MYH10: variants seen among roughly 807,000 people sequenced by gnomAD.
MYH10 encodes myosin heavy chain 10.
In MYH10, 55 loss-of-function variants were observed where a neutral mutation model predicts 257.8. The ratio of observed to expected loss-of-function variants is 0.21; its 90% CI spans 0.17 to 0.27. The LOEUF (loss-of-function observed/expected upper bound fraction) is 0.27, where lower values mean the gene tolerates loss of function less well. Among genes scored for constraint, MYH10 ranks in the 10% least tolerant of loss-of-function variants. The pLI is 1.00. For missense variants in MYH10, 1,631 were observed against 2,500.6 expected (o/e 0.65, Z 7.42); for synonymous variants, 854 against 921.7 (o/e 0.93, Z 1.33).
Position 8,480,535 on chromosome 17 carries a change from AGAG to A in MYH10, c.5265-13_5265-11del, listed in dbSNP as rs752486588. 75 of 1,604,068 alleles carry A rather than the reference AGAG, an allele frequency of 4.7e-5. No homozygotes were observed. The highest frequency in any genetic ancestry group is 2.5e-4 in the South Asian group (23 of 90,948). On this transcript the variant is annotated splice_polypyrimidine_tract_variant and intron_variant, in intron 38 of 42. Coordinates refer to ENST00000360416, the MANE Select transcript of MYH10 (RefSeq NM_001256012.3). Reference sequence around the variant, plus strand: ...ATCCAGCAGCGCGGACCTGGCGGGGAGAGGAGGAGGGGACGGTTCAATCCCAGC... The same window carrying A: ...ATCCAGCAGCGCGGACCTGGCGGGGAGAGGAGGGGACGGTTCAATCCCAGC...
chr17:8,521,467 T>C, intron 17 of MYH10, 182 bp from the exon 18 acceptor site: 1 of 621,642 alleles, frequency 1.6e-6, no homozygotes, highest in Non-Finnish European at 2.8e-6. Context: ...GCCACACACT[T>C]ATATGGCAGG....
chr17:8,499,157 T>G, intron 30 of MYH10, 113 bp downstream of exon 30: 2 of 981,302 alleles, frequency 2.0e-6, no homozygotes, highest in Non-Finnish European at 3.0e-6. Flanking sequence ...ATAGCAATTT[T>G]CAGGTGTCGC....
chr17:8,497,999 T>TTTTTTTTA (rs1916926809), intron 30 of MYH10, among the ~76,000 whole-genome samples: 1 of 145,776 alleles, frequency 6.9e-6, no homozygotes, highest in Non-Finnish European at 1.5e-5. Flanking sequence ...TTTTTTTTTT[T>TTTTTTTTA]GAGACAGAGT....
intron 21 of MYH10, among the ~76,000 whole-genome samples, chr17:8,515,904 A>C (rs1376884292): frequency 6.6e-6 from 1 of 152,168 alleles, no homozygotes; most frequent in Non-Finnish European, 1.5e-5. Flanking sequence ...TTCAAAAATG[A>C]CTTTTGAATC....
At chr17:8,503,766 G>A (rs1288299210) in intron 28 of MYH10, among the ~76,000 whole-genome samples, 1 of 152,156 alleles carries the variant, frequency 6.6e-6, no homozygotes, top group African/African-American at 2.4e-5. Context: ...CTTTATTCCA[G>A]GCCTCAGCAA....
chr17:8,504,712 G>A lies in MYH10; in HGVS notation c.3581C>T (p.Ala1194Val). ...CACTCACCGTAGTTCCTGCTGGGCT[G>A]CCGTGGTGTCCAGCGTGTCCTCCAG... ...TELEDTLDTT[A>V]AQQELRTKRE... Residue 1194 changes from alanine (A) to valine (V), a missense_variant, in exon 28 of 43, where the codon GCA becomes GTA. This residue lies in a region of MYH10 where 7 missense variants were observed against 37.1 expected (regional missense o/e 0.19). Coordinates refer to ENST00000360416, the MANE Select transcript of MYH10 (RefSeq NM_001256012.3). The surrounding 1 kb of genome is among the most constrained non-coding windows in gnomAD (Gnocchi z 5.6). 6.2e-7 allele frequency: 1 copy of A among 1,614,042 alleles called. No individual in the cohort carries two copies. The highest frequency in any genetic ancestry group is 8.5e-7 in the Non-Finnish European group (1 of 1,180,016).
chr17:8,559,846 C>T (rs1310837830), intron 7 of MYH10, among the ~76,000 whole-genome samples: 1 of 152,118 alleles, frequency 6.6e-6, no homozygotes, highest in African/African-American at 2.4e-5. Flanking sequence ...TAATTTTAAA[C>T]AGCTGTATTA....
At chr17:8,544,455 T>C (rs2151948924) in intron 13 of MYH10, among the ~76,000 whole-genome samples, 1 of 152,380 alleles carries the variant, frequency 6.6e-6, no homozygotes, top group East Asian at 1.9e-4. Context: ...TGACAGATTT[T>C]TTTAATGCAA....
At position 8,492,294 on chromosome 17, in the gene MYH10, T is replaced by TAG; in HGVS notation, c.4671+2_4671+3insCT. The TAG allele has an allele frequency of 6.2e-7, 1 of 1,611,590 alleles. No homozygotes were observed. The highest frequency in any genetic ancestry group is 2.2e-5 in the East Asian group (1 of 44,870). ...GAAGTGTGGAGCCCACCAGGCGACT[T>TAG]ACGTTTTTTCCCACATCATCTTTGG... On this transcript the variant is annotated splice_region_variant and intron_variant, in intron 34 of 42. Transcript: ENST00000360416.
chr17:8,496,693 A>G (rs1916687784), intron 30 of MYH10, among the ~76,000 whole-genome samples: 2 of 152,208 alleles, frequency 1.3e-5, no homozygotes, highest in South Asian at 2.1e-4. Flanking sequence ...GAGCACGCAC[A>G]CAATATTTCA....
chr17:8,578,114 C>A (rs2083567596), intron 4 of MYH10, among the ~76,000 whole-genome samples: 1 of 152,162 alleles, frequency 6.6e-6, no homozygotes, highest in Non-Finnish European at 1.5e-5. Context: ...TCTCAGATCC[C>A]CCTCTCAGAG....
chr17:8,547,918 T>G (rs1384545972), intron 11 of MYH10, among the ~76,000 whole-genome samples: 5 of 151,710 alleles, frequency 3.3e-5, no homozygotes, highest in Non-Finnish European at 7.4e-5. Flanking sequence ...TATTTCCTAT[T>G]AAGATCTAGA....
intron 17 of MYH10, among the ~76,000 whole-genome samples, chr17:8,523,147 T>G (rs990009597): frequency 1.6e-4 from 25 of 152,268 alleles, no homozygotes; most frequent in Admixed American, 1.3e-4. Flanking sequence ...CAGCTATGAC[T>G]CTAACTAGAT....
intron 4 of MYH10, among the ~76,000 whole-genome samples, chr17:8,580,282 T>A (rs2083654299): frequency 6.6e-6 from 1 of 150,832 alleles, no homozygotes; most frequent in South Asian, 2.1e-4. Context: ...ACGCTGAGGT[T>A]TTTTTTTTAG....
At chr17:8,537,185 A>G (rs1331207978) in intron 14 of MYH10, among the ~76,000 whole-genome samples, 1 of 152,198 alleles carries the variant, frequency 6.6e-6, no homozygotes, top group Non-Finnish European at 1.5e-5. Flanking sequence ...CACACTGCAA[A>G]TATGGCAAGT....
At chr17:8,508,442 CTTA>C (rs2081147186) in intron 26 of MYH10, 109 bp downstream of exon 26, 1 of 1,457,886 alleles carries the variant, frequency 6.9e-7, no homozygotes, top group Non-Finnish European at 9.3e-7. Context: ...ACTGAAGGTC[CTTA>C]TTATTAGTAA....
chr17:8,591,085 G>A (rs924012161), intron 3 of MYH10, among the ~76,000 whole-genome samples: 1 of 151,814 alleles, frequency 6.6e-6, no homozygotes, highest in Non-Finnish European at 1.5e-5. Flanking sequence ...TGTTAGCCAG[G>A]ATGGTCTCGA....
At chr17:8,621,334 A>G (rs1037658810) in intron 2 of MYH10, among the ~76,000 whole-genome samples, 1 of 152,044 alleles carries the variant, frequency 6.6e-6, no homozygotes, top group Non-Finnish European at 1.5e-5. Flanking sequence ...AACATTCTGA[A>G]AACTTCCAGG....
At chr17:8,562,042 TA>T (rs2083016183) in intron 7 of MYH10, among the ~76,000 whole-genome samples, 1 of 152,238 alleles carries the variant, frequency 6.6e-6, no homozygotes, top group Non-Finnish European at 1.5e-5. Flanking sequence ...ACATGTATTC[TA>T]TTTTAAAAAC....
Sources: gnomAD v4.1 joint callset for allele counts (sites outside exome capture counted in the v4.1 genomes callset) on GRCh38, gnomAD v4.1.1 for gene constraint, gnomAD v4.1.1 regional missense constraint, Gnocchi (gnomAD v3.1) non-coding constraint, MANE v1.5 for transcripts, NCBI Gene and HGNC (gene_info 2026-07-23, HGNC 2026-07-21) for gene names.